Variants in KCNH2 observed in about 807,000 individuals in gnomAD.
The protein encoded by KCNH2 is potassium voltage-gated channel subfamily H member 2, also known as voltage-gated inwardly rectifying potassium channel KCNH2.
KCNH2 carries 35 observed loss-of-function variants against 95.9 expected under a neutral mutation model. The observed-to-expected ratio is 0.37, with a 90% CI of 0.28 to 0.48. The LOEUF (loss-of-function observed/expected upper bound fraction) is 0.48, where lower values mean the gene tolerates loss of function less well. KCNH2 is among the 20% of genes least tolerant of loss of function. The probability of loss-of-function intolerance (pLI) is 0.99; values close to 1 mark genes in which losing one functional copy is unlikely to be tolerated. For missense variants in KCNH2, 1,274 were observed against 1,702.9 expected (o/e 0.75, Z 4.43); for synonymous variants, 786 against 754.7 (o/e 1.04, Z -0.68).
rs1361757645 is a variant in KCNH2, at chr7:150,958,240, G to A, written c.735C>T (p.Pro245=). Residue 245 remains proline, a synonymous_variant, in exon 4 of 15, where the codon CCC becomes CCT. Coordinates refer to ENST00000262186, the MANE Select transcript of KCNH2 (RefSeq NM_000238.4). ...GCGCCCGGGGCGATGGGAGCTGGCC[G>A]GGCGCGCTGCGGGGCGGAGAGCCGG... is the stretch of plus-strand genomic sequence containing the variant. The part of the protein sequence containing the change: ...VGPGSPPRSA[P]GQLPSPRAHS... 2 of 1,402,100 alleles carry A rather than the reference G, an allele frequency of 1.4e-6. No homozygotes were observed. The highest frequency in any genetic ancestry group is 1.9e-6 in the Non-Finnish European group (2 of 1,081,042). The allele number at this position is 1,402,100 out of a possible 1,614,324, so 86.9% of individuals were successfully genotyped here.
rs746282165 is a variant in KCNH2, at chr7:150,958,189, G to A, written c.786C>T (p.Gly262=). 10 of 1,360,604 alleles carry A rather than the reference G, an allele frequency of 7.3e-6. No homozygotes were observed. The highest frequency in any genetic ancestry group is 9.4e-6 in the Non-Finnish European group (10 of 1,059,346). The allele number at this position is 1,360,604 out of a possible 1,614,324, so 84.3% of individuals were successfully genotyped here. A position where few individuals can be genotyped will look rare whatever the true frequency, so the allele number is the denominator to read the frequency against. ...GCGTCCGGGCCAGGCTGCAGCTGGA[G>A]CCCGAGGCGTCGGGGTTGAGGCTGT... The part of the protein sequence containing the change: ...RAHSLNPDAS[G]SSCSLARTRS... The change falls in exon 4 of 15, where the codon GGC becomes GGT. Residue 262 remains glycine, a synonymous_variant. Coordinates refer to ENST00000262186, the MANE Select transcript of KCNH2 (RefSeq NM_000238.4).
At position 150,946,769 on chromosome 7, in the gene KCNH2, A is replaced by G; in HGVS notation, c.3330+108T>C. 9.4e-7 allele frequency: 1 copy of G among 1,058,562 alleles called. No individual in the cohort carries two copies. Among genetic ancestry groups the G allele is most frequent in the East Asian group, 2.4e-5 (1 of 41,016 alleles). The allele number at this position is 1,058,562 out of a possible 1,614,324, so 65.6% of individuals were successfully genotyped here. A position where few individuals can be genotyped will look rare whatever the true frequency, so the allele number is the denominator to read the frequency against. ...TGGGAGGAGGGCAGGAACAAGGTTCAGGGAGGCTGGGCCACAGAGCCCAGC... is the reference window on the plus strand; with the variant it reads ...TGGGAGGAGGGCAGGAACAAGGTTCGGGGAGGCTGGGCCACAGAGCCCAGC... On this transcript the variant is annotated intron_variant, in intron 14 of 14. Transcript: ENST00000262186. The surrounding 1 kb of genome is among the most constrained non-coding windows in gnomAD (Gnocchi z 6.5).
At chr7:150,958,027 C>T in intron 4 of KCNH2, 32 bp downstream of exon 4, 1 of 1,269,626 alleles carries the variant, frequency 7.9e-7, no homozygotes, top group Non-Finnish European at 9.9e-7. Flanking sequence ...GAAGCGTGGG[C>T]TGGGGCGGAA....
At chr7:150,955,559 G>A in intron 5 of KCNH2, 3 of 1,502,210 alleles carry the variant, frequency 2.0e-6, no homozygotes, top group Non-Finnish European at 2.7e-6. Flanking sequence ...CCCGGCCACT[G>A]CCTCACCTGC....
chr7:150,946,839 G>A lies in KCNH2; in HGVS notation c.3330+38C>T, dbSNP rs915101523. On this transcript the variant is annotated intron_variant, in intron 14 of 14. Transcript: ENST00000262186. This position sits in a 1 kb window ranked among gnomAD's most constrained non-coding sequence, Gnocchi z 6.5. ...TTTGGGCTGGAATCGGGGAACAAGCGGGTCACGGTACATCGAGGAAGCAGG... is the reference window on the plus strand; with the variant it reads ...TTTGGGCTGGAATCGGGGAACAAGCAGGTCACGGTACATCGAGGAAGCAGG... The A allele has an allele frequency of 5.1e-6, 8 of 1,564,416 alleles. No homozygotes were observed. Among genetic ancestry groups the A allele is most frequent in the Admixed American group, 1.7e-5 (1 of 57,230 alleles).
At chr7:150,973,029 T>C (rs1801880023) in intron 2 of KCNH2, among the ~76,000 whole-genome samples, 1 of 152,200 alleles carries the variant, frequency 6.6e-6, no homozygotes, top group South Asian at 2.1e-4. Context: ...GCACTCTCTA[T>C]GAAAGCTCAG....
chr7:150,962,065 AC>A lies in KCNH2; in HGVS notation c.308-2330del, dbSNP rs1801580300. Among the ~76,000 whole-genome samples, 1 of 151,954 alleles carries A rather than the reference AC, an allele frequency of 6.6e-6. No homozygotes were observed. The highest frequency in any genetic ancestry group is 2.1e-4 in the South Asian group (1 of 4,822). On this transcript the variant is annotated intron_variant, in intron 2 of 14. Transcript: ENST00000262186. The surrounding 1 kb of genome is among the most constrained non-coding windows in gnomAD (Gnocchi z 5.7). ...CTGTCTGGGTCTCCCTGCAGCAGCC[AC>A]TCTTGTCCCCTGACCTCTGGCCTCT...
chr7:150,955,551 C>T lies in KCNH2; in HGVS notation c.1128+1740G>A, dbSNP rs967724942. 1.5e-5 allele frequency: 22 copies of T among 1,512,106 alleles called. No homozygotes were observed. Among genetic ancestry groups the T allele is most frequent in the African/African-American group, 4.2e-5 (3 of 72,182 alleles). 93.7% of individuals were successfully genotyped at this position (1,512,106 alleles called of 1,614,324 possible). A position where few individuals can be genotyped will look rare whatever the true frequency, so the allele number is the denominator to read the frequency against. The stretch of plus-strand genomic sequence containing the variant: ...CTGCCTGCCCTGGGGCCTGAGGGCC[C>T]GGCCACTGCCTCACCTGCACCCCAG... On this transcript the variant is annotated intron_variant, in intron 5 of 14. Transcript: ENST00000262186.
In KCNH2 at chr7:150,961,042, G is replaced by A. The variant is rs1215044472; in HGVS notation, c.308-1306C>T. The stretch of plus-strand genomic sequence containing the variant: ...GGCCCCCCAGGGACCCACCAGGCAG[G>A]CTCCTCATCTCCCACTCTCCCTAGG... On this transcript the variant is annotated intron_variant, in intron 2 of 14. Transcript: ENST00000262186. The surrounding 1 kb of genome is among the most constrained non-coding windows in gnomAD (Gnocchi z 6.2). Among the ~76,000 whole-genome samples the A allele has an allele frequency of 6.6e-6, 1 of 152,128 alleles. No individual in the cohort carries two copies. Among genetic ancestry groups the A allele is most frequent in the Non-Finnish European group, 1.5e-5 (1 of 68,002 alleles).
chr7:150,958,611 G>T, intron 3 of KCNH2, 109 bp from the exon 4 acceptor site: 2 of 818,496 alleles, frequency 2.4e-6, no homozygotes, highest in Non-Finnish European at 3.5e-6. Flanking sequence ...AGGGGAACGG[G>T]CAACCCCCCA....
chr7:150,965,385 T>C (rs1419934059), intron 2 of KCNH2, among the ~76,000 whole-genome samples: 2 of 152,086 alleles, frequency 1.3e-5, no homozygotes, highest in East Asian at 3.9e-4. Context: ...TCTCTAAAGC[T>C]CTGGGGCCCG....
chr7:150,958,031 G>C (rs996037554), intron 4 of KCNH2, 28 bp downstream of exon 4: 1 of 1,266,996 alleles, frequency 7.9e-7, no homozygotes, highest in African/African-American at 1.5e-5. Flanking sequence ...CGTGGGCTGG[G>C]GCGGAACGGG....
At position 150,955,382 on chromosome 7, in the gene KCNH2, C is replaced by T. The variant is rs771225295; in HGVS notation, c.1128+1909G>A. On this transcript the variant is annotated intron_variant, in intron 5 of 14. Transcript: ENST00000262186. ...CGGCCCCAGAAAGAAGAGGAAGGAC[C>T]GGGTGTCACCTACCTCCTGGGCCAC... 1.7e-5 allele frequency: 27 copies of T among 1,552,374 alleles called. No individual in the cohort carries two copies. The Middle Eastern group carries it at 5.2e-4, about 30-fold the overall frequency.
intron 10 of KCNH2, 76 bp downstream of exon 10, chr7:150,948,780 C>T: frequency 7.4e-7 from 1 of 1,346,736 alleles, no homozygotes; most frequent in Non-Finnish European, 1.1e-6. Context: ...GCATCACATT[C>T]AATGTCACAC....
At chr7:150,976,738 C>T (rs1037061013) in intron 1 of KCNH2, among the ~76,000 whole-genome samples, 1 of 151,454 alleles carries the variant, frequency 6.6e-6, no homozygotes, top group Non-Finnish European at 1.5e-5. Flanking sequence ...GCACCCCCCC[C>T]CACATCCATC....
intron 9 of KCNH2, 95 bp from the exon 10 acceptor site, chr7:150,949,144 T>A: frequency 8.2e-7 from 1 of 1,219,984 alleles, no homozygotes; most frequent in Non-Finnish European, 1.2e-6. Flanking sequence ...GGGCAGAGCA[T>A]GTCCCCTCAG....
At chr7:150,960,312 C>T (rs1801521592) in intron 2 of KCNH2, among the ~76,000 whole-genome samples, 1 of 152,182 alleles carries the variant, frequency 6.6e-6, no homozygotes. Flanking sequence ...TTAATTGACA[C>T]AATAATTGTA....
intron 3 of KCNH2, 66 bp from the exon 4 acceptor site, chr7:150,958,568 GA>G: frequency 7.5e-7 from 1 of 1,340,020 alleles, no homozygotes. Context: ...CAAGGCCTGG[GA>G]AATGGACCCC....
In KCNH2 at chr7:150,966,391, C is replaced by A. The variant is rs549033894; in HGVS notation, c.308-6655G>T. On this transcript the variant is annotated intron_variant, in intron 2 of 14. Coordinates refer to ENST00000262186, the MANE Select transcript of KCNH2 (RefSeq NM_000238.4). ...CATTGATTTGCCCCCTCCCCCCCCC[C>A]CACACACACACACACACAGGACACT... Among the ~76,000 whole-genome samples the A allele has an allele frequency of 3.0e-3, 229 of 75,984 alleles. 11 individuals carry two copies. The highest frequency in any genetic ancestry group is 0.012 in the Admixed American group (94 of 7,902). The allele number at this position is 75,984 out of a possible 152,430, so 49.8% of individuals were successfully genotyped here.
Sources: allele counts gnomAD v4.1 joint callset (sites outside exome capture counted in the v4.1 genomes callset), GRCh38; gene constraint gnomAD v4.1.1; non-coding constraint Gnocchi (gnomAD v3.1); transcripts MANE v1.5; gene names NCBI Gene and HGNC (gene_info 2026-07-23, HGNC 2026-07-21).